The following RBFOX1 variants were observed in gnomAD, a reference collection of about 807,000 sequenced individuals.
RBFOX1 encodes the protein RNA binding protein fox-1 homolog 1.
RBFOX1 carries 8 observed loss-of-function variants against 57.7 expected under a neutral mutation model. The ratio of observed to expected loss-of-function variants is 0.14; its 90% confidence interval spans 0.08 to 0.25. The LOEUF (loss-of-function observed/expected upper bound fraction) is 0.25. RBFOX1 is among the 10% of genes least tolerant of loss of function. The pLI is 1.00. For missense variants in RBFOX1, 611 were observed against 548.5 expected (o/e 1.11, Z -1.14); for synonymous variants, 326 against 222.4 (o/e 1.47, Z -4.15).
chr16:7,015,777 T>G (rs116952084), intron 3 of RBFOX1, among the ~76,000 whole-genome samples: 1 of 150,204 alleles, frequency 6.7e-6, no homozygotes, highest in African/African-American at 2.5e-5. Context: ...TTCTTAAAGA[T>G]TTTTTTTTTC....
intron 1 of RBFOX1, among the ~76,000 whole-genome samples, chr16:6,103,358 A>T (rs1014250255): frequency 6.6e-6 from 1 of 152,148 alleles, no homozygotes; most frequent in Non-Finnish European, 1.5e-5. Flanking sequence ...TGTGAAAGTT[A>T]AATTAGATGA....
chr16:5,783,151 C>T (rs562113808), intron 3 of RBFOX1, among the ~76,000 whole-genome samples: 8 of 141,772 alleles, frequency 5.6e-5, no homozygotes, highest in South Asian at 2.4e-4. Flanking sequence ...AATTGTGATA[C>T]GATTTACATG....
chr16:6,617,660 G>T (rs144454088), intron 2 of RBFOX1, among the ~76,000 whole-genome samples: 15 of 152,072 alleles, frequency 9.9e-5, no homozygotes, highest in African/African-American at 3.6e-4. Context: ...TCACAGGCAG[G>T]GTTTTGACTC....
At chr16:5,926,341 G>C (rs1047713514) in intron 4 of RBFOX1, among the ~76,000 whole-genome samples, 1 of 152,158 alleles carries the variant, frequency 6.6e-6, no homozygotes, top group Non-Finnish European at 1.5e-5. Flanking sequence ...GTTGGGGCTG[G>C]AACAGGGATA....
chr16:6,923,208 C>G (rs577933893), intron 3 of RBFOX1, among the ~76,000 whole-genome samples: 1 of 152,184 alleles, frequency 6.6e-6, no homozygotes, highest in Non-Finnish European at 1.5e-5. Flanking sequence ...CCTGCCTGAG[C>G]TCTCCATCAG....
intron 4 of RBFOX1, among the ~76,000 whole-genome samples, chr16:5,987,674 A>G (rs2060309008): frequency 6.6e-6 from 1 of 152,150 alleles, no homozygotes; most frequent in South Asian, 2.1e-4. Flanking sequence ...ATGAGTAGCC[A>G]CCGTACTGCA....
intron 10 of RBFOX1, among the ~76,000 whole-genome samples, chr16:7,611,658 G>T (rs1396977303): frequency 6.6e-6 from 1 of 151,778 alleles, no homozygotes; most frequent in East Asian, 1.9e-4. Context: ...TTGCAAACTT[G>T]GGTGGGGTGG....
At chr16:5,876,607 G>A (rs532546634) in intron 4 of RBFOX1, among the ~76,000 whole-genome samples, 3 of 152,156 alleles carry the variant, frequency 2.0e-5, no homozygotes, top group African/African-American at 7.2e-5. Context: ...TTGACTGCCT[G>A]TTTTAAGATT....
At chr16:5,983,817 C>T (rs1209877426) in intron 4 of RBFOX1, among the ~76,000 whole-genome samples, 1 of 151,538 alleles carries the variant, frequency 6.6e-6, no homozygotes, top group Non-Finnish European at 1.5e-5. Context: ...TCAGGTCTGG[C>T]TGTTCAGGCG....
intron 1 of RBFOX1, among the ~76,000 whole-genome samples, chr16:6,210,860 A>G (rs574904488): frequency 6.6e-6 from 1 of 152,210 alleles, no homozygotes; most frequent in African/African-American, 2.4e-5. Flanking sequence ...TGAACGGTGC[A>G]ATAGCCCTAG....
At chr16:7,211,145 A>T (rs1223262281) in intron 4 of RBFOX1, among the ~76,000 whole-genome samples, 2 of 151,412 alleles carry the variant, frequency 1.3e-5, no homozygotes, top group Non-Finnish European at 2.9e-5. Flanking sequence ...TAATCCCAGC[A>T]CTTTGGGAGG....
chr16:7,097,454 G>C (rs1414400024), intron 4 of RBFOX1, among the ~76,000 whole-genome samples: 2 of 152,162 alleles, frequency 1.3e-5, no homozygotes, highest in Non-Finnish European at 2.9e-5. Context: ...AAAGAGAGAA[G>C]AACCCTACAG....
At chr16:7,600,358 A>G (rs2094947021) in intron 9 of RBFOX1, among the ~76,000 whole-genome samples, 1 of 152,242 alleles carries the variant, frequency 6.6e-6, no homozygotes, top group Non-Finnish European at 1.5e-5. Context: ...TGTTCAAAGA[A>G]AAGTAGTTCT....
At chr16:6,747,771 T>G (rs1216356097) in intron 3 of RBFOX1, among the ~76,000 whole-genome samples, 2 of 152,002 alleles carry the variant, frequency 1.3e-5, no homozygotes, top group South Asian at 4.1e-4. Flanking sequence ...TTCCTGGGAG[T>G]TGTCAATCTA....
At chr16:7,449,364 G>T (rs1195800008) in intron 4 of RBFOX1, among the ~76,000 whole-genome samples, 2 of 152,180 alleles carry the variant, frequency 1.3e-5, no homozygotes, top group Non-Finnish European at 2.9e-5. Flanking sequence ...AGTGAAAGTA[G>T]TCAGTGGGGG....
At chr16:6,709,887 G>T (rs1366361431) in intron 3 of RBFOX1, among the ~76,000 whole-genome samples, 3 of 152,218 alleles carry the variant, frequency 2.0e-5, no homozygotes, top group African/African-American at 7.2e-5. Context: ...AACGGCCGGG[G>T]GCTACTGGCC....
chr16:7,046,082 G>C (rs1462838049), intron 3 of RBFOX1, among the ~76,000 whole-genome samples: 1 of 151,658 alleles, frequency 6.6e-6, no homozygotes, highest in Admixed American at 6.6e-5. Context: ...TGCCCTGTAT[G>C]TCACAAAGGA....
In RBFOX1 at chr16:6,961,862, C is replaced by T. The variant is rs556889853; in HGVS notation, c.-15-90195C>T. Among the ~76,000 whole-genome samples, 8 of 152,214 alleles carry T rather than the reference C, an allele frequency of 5.3e-5. No individual in the cohort carries two copies. The South Asian group carries it at 6.2e-4, about 12-fold the overall frequency. Reference sequence around the variant, plus strand: ...ACCAGAAGTCACTTTCCTTGCCATCCTGGTTTGGGTGGGTTTTAGCTGGCT... The same window carrying T: ...ACCAGAAGTCACTTTCCTTGCCATCTTGGTTTGGGTGGGTTTTAGCTGGCT... On this transcript the variant is annotated intron_variant, in intron 3 of 15. Transcript: ENST00000550418.
chr16:7,047,726 T>C (rs1025190033), intron 3 of RBFOX1, among the ~76,000 whole-genome samples: 1,263 of 111,170 alleles, frequency 0.011, 9 homozygotes, highest in East Asian at 0.074. Context: ...CTTTTTTTTT[T>C]TTTTTTTTTT....
Sources: gnomAD v4.1 joint callset for allele counts (sites outside exome capture counted in the v4.1 genomes callset) on GRCh38, gnomAD v4.1.1 for gene constraint, MANE v1.5 for transcripts, NCBI Gene and HGNC (gene_info 2026-07-23, HGNC 2026-07-21) for gene names.